SRP72: variants seen among roughly 807,000 people sequenced by gnomAD.
The protein encoded by SRP72 is signal recognition particle subunit SRP72.
A neutral mutation model predicts 96.3 loss-of-function variants in SRP72; 49 were observed. The ratio of observed to expected loss-of-function variants is 0.51; its 90% CI spans 0.40 to 0.65. The LOEUF (loss-of-function observed/expected upper bound fraction) is 0.65, where lower values mean the gene tolerates loss of function less well. Ranked by LOEUF, SRP72 falls within the 30% of genes least tolerant of loss-of-function variation. The pLI, the probability that SRP72 is intolerant of heterozygous loss-of-function variation, is 0.00. For missense variants in SRP72, 736 were observed against 793.3 expected, an observed-to-expected ratio of 0.93 and a Z score of 0.87; for synonymous variants, 267 against 275.2, an observed-to-expected ratio of 0.97 and a Z score of 0.30.
intron 13 of SRP72, 31 bp downstream of exon 13, chr4:56,489,514 C>T: frequency 7.6e-7 from 1 of 1,315,362 alleles, no homozygotes; most frequent in Non-Finnish European, 1.1e-6. Context: ...GTTATGAGAG[C>T]ATGTTTTTAC....
intron 8 of SRP72, among the ~76,000 whole-genome samples, chr4:56,481,082 G>C (rs1418822284): frequency 6.6e-6 from 1 of 152,184 alleles, no homozygotes; most frequent in Non-Finnish European, 1.5e-5. Context: ...ACAATTAATT[G>C]AAGTATTAAA....
rs778512435 is a variant in SRP72, at chr4:56,500,532, G to A, written c.1679-4G>A. 10 of 1,610,966 alleles carry A rather than the reference G, an allele frequency of 6.2e-6. No individual in the cohort carries two copies. Among genetic ancestry groups the A allele is most frequent in the Non-Finnish European group, 8.5e-6 (10 of 1,178,646 alleles). ...TCTCTCATTTCTTTATAATCGTTAT[G>A]CAGGAAAATTGCCTAAGAATTATGA... is the stretch of plus-strand genomic sequence containing the variant. On this transcript the variant is annotated splice_polypyrimidine_tract_variant and splice_region_variant and intron_variant, in intron 17 of 18. Transcript: ENST00000642900.
rs745313951 is a variant in SRP72 at position 56,490,565 on chromosome 4, T to C, written c.1425-3T>C. 1.5e-5 allele frequency: 25 copies of C among 1,613,222 alleles called. No homozygotes were observed. The South Asian group carries it at 2.8e-4, about 18-fold the overall frequency. Reference sequence around the variant, plus strand: ...TCAATAATTTTCTTATTTCTTCTTTTAGACAAAATCCAAAAGATATTCACA... The same window carrying C: ...TCAATAATTTTCTTATTTCTTCTTTCAGACAAAATCCAAAAGATATTCACA... On this transcript the variant is annotated splice_region_variant and splice_polypyrimidine_tract_variant and intron_variant, in intron 14 of 18. Coordinates refer to ENST00000642900, the MANE Select transcript of SRP72 (RefSeq NM_006947.4).
intron 3 of SRP72, among the ~76,000 whole-genome samples, chr4:56,472,906 G>A (rs1578175814): frequency 1.3e-5 from 2 of 152,044 alleles, no homozygotes; most frequent in Admixed American, 1.3e-4. Context: ...GTTGTTCTTT[G>A]AGCACAACTT....
chr4:56,491,350 AGATACATTG>A, intron 15 of SRP72, 72 bp from the exon 16 acceptor site: 1 of 1,479,252 alleles, frequency 6.8e-7, no homozygotes, highest in Non-Finnish European at 9.1e-7. Context: ...CAGTGTCAAT[AGATACATTG>A]GCAAACATAT....
chr4:56,467,656 G>C lies in SRP72; in HGVS notation c.21G>C (p.Gly7=), dbSNP rs12513091. The change falls in exon 1 of 19, where the codon GGG becomes GGC. Residue 7 remains glycine, a synonymous_variant. Coordinates refer to ENST00000642900, the MANE Select transcript of SRP72 (RefSeq NM_006947.4). ...CCAAGATGGCGAGCGGCGGCAGCGG[G>C]GGGGTGTCAGTACCTGCGCTGTGGA... MASGGS[G]GVSVPALWSE... 112 of 1,556,858 alleles carry C rather than the reference G, an allele frequency of 7.2e-5. 1 individual carries two copies. The highest frequency in any genetic ancestry group is 2.6e-4 in the South Asian group (22 of 85,058).
intron 3 of SRP72, among the ~76,000 whole-genome samples, chr4:56,473,457 C>CA (rs536634526): frequency 0.16 from 20,597 of 129,314 alleles, 1,642 homozygotes; most frequent in East Asian, 0.32. Flanking sequence ...GACTCCATCT[C>CA]AAAAAAAAAA....
At position 56,478,965 on chromosome 4, in the gene SRP72, G is replaced by C. The variant is rs183737212; in HGVS notation, c.825+316G>C. Among the ~76,000 whole-genome samples, 3 of 152,124 alleles carry C rather than the reference G, an allele frequency of 2.0e-5. No individual in the cohort carries two copies. The East Asian group carries it at 5.8e-4, about 29-fold the overall frequency. On this transcript the variant is annotated intron_variant, in intron 8 of 18. Transcript: ENST00000642900. ...GGGGCTTTTAAACTTTTAAGTATACGCATGTTTTATATGATTTCTTCGTCT... is the reference window on the plus strand; with the variant it reads ...GGGGCTTTTAAACTTTTAAGTATACCCATGTTTTATATGATTTCTTCGTCT...
chr4:56,467,659 G>T lies in SRP72; in HGVS notation c.24G>T (p.Gly8=), dbSNP rs552135994. The change falls in exon 1 of 19, where the codon GGG becomes GGT. Residue 8 remains glycine, a synonymous_variant. Transcript: ENST00000642900. ...AGATGGCGAGCGGCGGCAGCGGGGGGGTGTCAGTACCTGCGCTGTGGAGTG... is the reference window on the plus strand; with the variant it reads ...AGATGGCGAGCGGCGGCAGCGGGGGTGTGTCAGTACCTGCGCTGTGGAGTG... MASGGSG[G]VSVPALWSEV... is the part of the protein sequence containing the mutation. 2 of 1,559,818 alleles carry T rather than the reference G, an allele frequency of 1.3e-6. No individual in the cohort carries two copies. The highest frequency in any genetic ancestry group is 1.4e-5 in the African/African-American group (1 of 71,450).
intron 3 of SRP72, 89 bp from the exon 4 acceptor site, chr4:56,473,965 T>C: frequency 7.5e-7 from 1 of 1,329,624 alleles, no homozygotes; most frequent in Admixed American, 2.5e-5. Flanking sequence ...CTAGGATTCC[T>C]ACTTAGTGGT....
At position 56,474,350 on chromosome 4, in the gene SRP72, G is replaced by T. The variant is rs762089514; in HGVS notation, c.569G>T (p.Gly190Val). ...YNTACALIGQ[G>V]QLNQAMKILQ... ...ACTGCATGTGCACTGATAGGCCAAG[G>T]CCAGCTGAACCAGGCCATGAAAATC... The change falls in exon 5 of 19, where the codon GGC becomes GTC. Residue 190 changes from glycine to valine, a missense_variant. By Grantham distance (109) the Gly-to-Val change is moderately radical. This residue lies in a region of SRP72 where 329 missense variants were observed against 319.0 expected (regional missense o/e 1.03). Transcript: ENST00000642900. 4 of 1,614,014 alleles carry T rather than the reference G, an allele frequency of 2.5e-6. No individual in the cohort carries two copies. Among genetic ancestry groups the T allele is most frequent in the East Asian group, 2.2e-5 (1 of 44,894 alleles).
At chr4:56,479,112 T>C (rs1350037262) in intron 8 of SRP72, among the ~76,000 whole-genome samples, 2 of 152,054 alleles carry the variant, frequency 1.3e-5, no homozygotes, top group African/African-American at 4.8e-5. Context: ...ATACTATAAA[T>C]ATATATATAA....
At chr4:56,497,035 T>C (rs571955814) in intron 17 of SRP72, among the ~76,000 whole-genome samples, 1 of 152,242 alleles carries the variant, frequency 6.6e-6, no homozygotes, top group East Asian at 1.9e-4. Flanking sequence ...TTAACTTTTT[T>C]ATGTGTGTTT....
At chr4:56,491,742 C>T (rs1720914846) in intron 16 of SRP72, 174 bp downstream of exon 16, 1 of 526,348 alleles carries the variant, frequency 1.9e-6, no homozygotes. Context: ...TTCCCTCAGC[C>T]CAAAATTAAC....
At position 56,490,271 on chromosome 4, in the gene SRP72, A is replaced by AAGGT. The variant is rs763715286; in HGVS notation, c.1321-62_1321-61insAGGT. On this transcript the variant is annotated intron_variant, in intron 13 of 18. Transcript: ENST00000642900. ...ATTTCTTAAAGGTCTAATGAATATA[A>AAGGT]CTGCATGCACTTGCTAGATATTTAA... is the stretch of plus-strand genomic sequence containing the variant. 4.2e-3 allele frequency: 5,545 copies of AAGGT among 1,309,890 alleles called. 11 individuals are homozygous for AAGGT. The highest frequency in any genetic ancestry group is 5.4e-3 in the Non-Finnish European group (5,003 of 922,866). The allele number at this position is 1,309,890 out of a possible 1,614,324, so 81.1% of individuals were successfully genotyped here. A position where few individuals can be genotyped will look rare whatever the true frequency, so the allele number is the denominator to read the frequency against.
chr4:56,476,833 C>T (rs189042248), intron 6 of SRP72, 131 bp downstream of exon 6: 135 of 863,010 alleles, frequency 1.6e-4, no homozygotes, highest in Middle Eastern at 1.4e-3. Flanking sequence ...ACACTAGAAA[C>T]CACCCTCTAG....
chr4:56,469,813 C>A, intron 2 of SRP72, 40 bp downstream of exon 2: 1 of 1,540,636 alleles, frequency 6.5e-7, no homozygotes, highest in Non-Finnish European at 8.9e-7. Flanking sequence ...TTATTAGAAA[C>A]ACTTACTATA....
chr4:56,500,971 CTA>C (rs1491378382), intron 18 of SRP72, among the ~76,000 whole-genome samples: 7 of 146,746 alleles, frequency 4.8e-5, no homozygotes, highest in African/African-American at 7.8e-5. Context: ...ATTATAAAAA[CTA>C]AAAGTCTCAA....
At position 56,490,546 on chromosome 4, in the gene SRP72, A is replaced by C. The variant is rs751933838; in HGVS notation, c.1425-22A>C. On this transcript the variant is annotated intron_variant, in intron 14 of 18. Transcript: ENST00000642900. ...CTCCAGTTTTATAAACAGTTCAATAATTTTCTTATTTCTTCTTTTAGACAA... is the reference window on the plus strand; with the variant it reads ...CTCCAGTTTTATAAACAGTTCAATACTTTTCTTATTTCTTCTTTTAGACAA... 11 of 1,610,516 alleles carry C rather than the reference A, an allele frequency of 6.8e-6. No individual in the cohort carries two copies. In the East Asian group the frequency reaches 2.5e-4, roughly 36 times the overall value.
Sources: gnomAD v4.1 joint callset for allele counts (sites outside exome capture counted in the v4.1 genomes callset) on GRCh38, gnomAD v4.1.1 for gene constraint, gnomAD v4.1.1 regional missense constraint, MANE v1.5 for transcripts, NCBI Gene and HGNC (gene_info 2026-07-23, HGNC 2026-07-21) for gene names.